The following CCDC93 variants were observed in gnomAD, a reference collection of about 807,000 sequenced individuals.
CCDC93 encodes CCC complex scaffolding subunit CCDC93.
In CCDC93, 61 loss-of-function variants were observed where a neutral mutation model predicts 108.2. The observed-to-expected ratio is 0.56, with a 90% CI of 0.46 to 0.70. The LOEUF (loss-of-function observed/expected upper bound fraction) is 0.70, where lower values mean the gene tolerates loss of function less well. CCDC93 is among the 30% of genes least tolerant of loss of function. CCDC93 has a pLI of 0.00. For missense variants in CCDC93, 685 were observed against 764.2 expected, an observed-to-expected ratio of 0.90 and a Z score of 1.22; for synonymous variants, 276 against 260.4, an observed-to-expected ratio of 1.06 and a Z score of -0.58.
At chr2:117,933,983 G>A (rs1045079623) in intron 22 of CCDC93, 2 of 152,134 alleles carry the variant, frequency 1.3e-5, no homozygotes, top group Non-Finnish European at 2.9e-5. Context: ...CACCATGGAG[G>A]GGAGAGACAG....
chr2:118,012,382 G>A (rs1473926067), intron 1 of CCDC93: 2 of 152,212 alleles, frequency 1.3e-5, no homozygotes, highest in South Asian at 2.1e-4. Flanking sequence ...ATGATGATAA[G>A]TTATTGCTTG....
intron 13 of CCDC93, 86 bp downstream of exon 13, chr2:117,952,287 G>T: frequency 1.1e-6 from 1 of 905,162 alleles, no homozygotes. Flanking sequence ...CACACAGACC[G>T]ATGAAACACA....
At chr2:117,929,004 G>T (rs369807013) in intron 23 of CCDC93, among the ~76,000 whole-genome samples, 2 of 151,640 alleles carry the variant, frequency 1.3e-5, no homozygotes, top group African/African-American at 4.9e-5. Flanking sequence ...GCAAACTATT[G>T]CAAGGACAAA....
chr2:117,925,620 A>C (rs1333784209), intron 23 of CCDC93, among the ~76,000 whole-genome samples: 2 of 152,228 alleles, frequency 1.3e-5, no homozygotes, highest in Admixed American at 1.3e-4. Flanking sequence ...AGATTCATAA[A>C]GCAAGTCCTT....
chr2:117,941,132 GA>G (rs1391434200), intron 19 of CCDC93, 56 bp downstream of exon 19: 7 of 1,245,278 alleles, frequency 5.6e-6, no homozygotes, highest in Non-Finnish European at 8.2e-6. Flanking sequence ...AAGTGGAACA[GA>G]CCCCTCGCCT....
rs368262892 is a variant in CCDC93, at chr2:117,949,326, G to C, written c.1138C>G (p.Pro380Ala). The stretch of plus-strand genomic sequence containing the variant: ...GCACATGCTGAAACCTCTTACCTTG[G>C]ATCAGCTTTGGATTCTATCTTCTCG... The part of the protein sequence containing the change: ...ALEKIESKAD[P>A]SILQNLRALV... Residue 380 changes from proline (P) to alanine (A), a missense_variant, in exon 14 of 24, where the codon CCA becomes GCA. Coordinates refer to ENST00000376300, the MANE Select transcript of CCDC93 (RefSeq NM_019044.5). The C allele has an allele frequency of 1.2e-6, 2 of 1,610,182 alleles. No homozygotes were observed. The highest frequency in any genetic ancestry group is 1.7e-6 in the Non-Finnish European group (2 of 1,176,660).
intron 22 of CCDC93, chr2:117,934,707 T>C (rs1678467581): frequency 6.6e-6 from 1 of 152,232 alleles, no homozygotes; most frequent in African/African-American, 2.4e-5. Flanking sequence ...CTTTCTCATG[T>C]GTTTACATTC....
At chr2:117,997,462 C>A (rs6750836) in intron 4 of CCDC93, 61,510 of 152,118 alleles carry the variant, frequency 0.4, 12,958 homozygotes, top group Middle Eastern at 0.53. Context: ...AACAGCATAT[C>A]ACACTTGGTG....
In CCDC93 at chr2:117,945,517, G is replaced by A; in HGVS notation, c.1350+12C>T. 6.2e-7 allele frequency: 1 copy of A among 1,612,314 alleles called. No homozygotes were observed. The highest frequency in any genetic ancestry group is 8.5e-7 in the Non-Finnish European group (1 of 1,178,394). On this transcript the variant is annotated intron_variant, in intron 17 of 23. Transcript: ENST00000376300. ...AGGAGACAATGCCAGTCCTGAGCAG[G>A]CAGGTACTTACGTCATGAGTCATTG...
chr2:117,969,858 T>C (rs1415310793), intron 11 of CCDC93, among the ~76,000 whole-genome samples: 7 of 152,226 alleles, frequency 4.6e-5, no homozygotes, highest in Non-Finnish European at 7.3e-5. Flanking sequence ...ATTGACAGAC[T>C]CACCCTTCCT....
intron 23 of CCDC93, among the ~76,000 whole-genome samples, chr2:117,928,085 C>T (rs1320790259): frequency 7.8e-5 from 10 of 128,754 alleles, no homozygotes; most frequent in African/African-American, 1.3e-4. Context: ...TGGATCCCTT[C>T]GTTACACCTT....
At chr2:118,000,687 G>C in intron 4 of CCDC93, 134 bp downstream of exon 4, 1 of 607,452 alleles carries the variant, frequency 1.6e-6, no homozygotes, top group Non-Finnish European at 3.0e-6. Flanking sequence ...ACACCACCAT[G>C]TTCTGCTGTA....
intron 11 of CCDC93, among the ~76,000 whole-genome samples, chr2:117,966,870 A>G (rs957378206): frequency 3.3e-5 from 5 of 152,258 alleles, no homozygotes; most frequent in Non-Finnish European, 7.3e-5. Flanking sequence ...CTGGACAGGA[A>G]AATTTCCAAA....
chr2:117,959,877 T>G (rs1041208020), intron 11 of CCDC93, among the ~76,000 whole-genome samples: 11 of 152,230 alleles, frequency 7.2e-5, no homozygotes, highest in African/African-American at 2.4e-4. Context: ...CACCAAGATA[T>G]TCACAACTTG....
intron 6 of CCDC93, among the ~76,000 whole-genome samples, chr2:117,989,266 CCT>C (rs1288126920): frequency 5.3e-5 from 8 of 152,142 alleles, no homozygotes; most frequent in East Asian, 3.9e-4. Flanking sequence ...CAGACTCCCC[CCT>C]GTGTGATGCT....
chr2:117,984,211 C>A (rs553714094), intron 7 of CCDC93, among the ~76,000 whole-genome samples: 6 of 152,214 alleles, frequency 3.9e-5, no homozygotes, highest in Non-Finnish European at 7.4e-5. Flanking sequence ...CTCTCTCCCA[C>A]CCAAAAAAAA....
chr2:118,010,171 A>G (rs4849657), intron 1 of CCDC93, among the ~76,000 whole-genome samples: 147,350 of 152,010 alleles, frequency 0.97, 71,603 homozygotes, highest in Middle Eastern at 1. Flanking sequence ...TAGCCAGGAT[A>G]GTTTCGATCT....
intron 15 of CCDC93, 140 bp from the exon 16 acceptor site, chr2:117,947,022 G>A: frequency 1.5e-6 from 1 of 668,448 alleles, no homozygotes. Flanking sequence ...TAGCTGCCCT[G>A]ATCTCCAATT....
intron 18 of CCDC93, among the ~76,000 whole-genome samples, chr2:117,942,005 C>T (rs1678716644): frequency 6.6e-6 from 1 of 152,226 alleles, no homozygotes; most frequent in Admixed American, 6.5e-5. Context: ...CTCCTGCCTG[C>T]TTTGCCTGCA....
Sources: gnomAD v4.1 joint callset for allele counts (sites outside exome capture counted in the v4.1 genomes callset) on GRCh38, gnomAD v4.1.1 for gene constraint, MANE v1.5 for transcripts, NCBI Gene and HGNC (gene_info 2026-07-23, HGNC 2026-07-21) for gene names.